The following TENM3 variants were observed in gnomAD, a reference collection of about 807,000 sequenced individuals.
TENM3 encodes teneurin-3.
Under a neutral mutation model 255.1 loss-of-function variants are expected in TENM3, and 63 were observed. The observed-to-expected ratio is 0.25, with a 90% CI of 0.20 to 0.30. The LOEUF (loss-of-function observed/expected upper bound fraction) is 0.30. Among genes scored for constraint, TENM3 ranks in the 10% least tolerant of loss-of-function variants. The probability of loss-of-function intolerance (pLI) is 1.00; values close to 1 mark genes in which losing one functional copy is unlikely to be tolerated. For missense variants in TENM3, 2,929 were observed against 3,461.1 expected (o/e 0.85, Z 3.86); for synonymous variants, 1,306 against 1,322.3 (o/e 0.99, Z 0.27).
At chr4:181,764,375 G>A in the TENM3 span, among the ~76,000 whole-genome samples, 2 of 152,114 alleles carry the variant, frequency 1.3e-5, no homozygotes. Flanking sequence ...CTGACTTTAT[G>A]ACACAGAACA....
chr4:181,525,010 C>T, the TENM3 span, among the ~76,000 whole-genome samples: 14,234 of 152,182 alleles, frequency 0.094, 738 homozygotes, highest in East Asian at 0.2. Flanking sequence ...CTTGATTATA[C>T]GACATTTATG....
At chr4:181,504,247 C>T in the TENM3 span, among the ~76,000 whole-genome samples, 2 of 152,198 alleles carry the variant, frequency 1.3e-5, no homozygotes, top group African/African-American at 4.8e-5. Context: ...ACTGACCTGC[C>T]GCTGCTCCCG....
chr4:182,344,469 T>C (rs185754582), intron 2 of TENM3, among the ~76,000 whole-genome samples: 7 of 152,234 alleles, frequency 4.6e-5, no homozygotes, highest in Non-Finnish European at 1.0e-4. Context: ...GTTGTGTTTT[T>C]AGTTGCAAAG....
chr4:181,874,372 T>C, the TENM3 span: 1 of 152,250 alleles, frequency 6.6e-6, no homozygotes, highest in Non-Finnish European at 1.5e-5. Flanking sequence ...TTCCCTTTTT[T>C]CTTCTGTCGA....
At chr4:182,293,762 G>A (rs59577089) in intron 1 of TENM3, among the ~76,000 whole-genome samples, 9,977 of 151,944 alleles carry the variant, frequency 0.066, 842 homozygotes, top group African/African-American at 0.19. Flanking sequence ...CCCACCCCGA[G>A]TCCCTTCCAA....
intron 5 of TENM3, among the ~76,000 whole-genome samples, chr4:182,642,680 C>T (rs1295098744): frequency 6.6e-6 from 1 of 152,108 alleles, no homozygotes; most frequent in African/African-American, 2.4e-5. Flanking sequence ...CCCTCCAAAC[C>T]TGTTCGTTCA....
At chr4:181,564,897 G>A in the TENM3 span, among the ~76,000 whole-genome samples, 1 of 152,038 alleles carries the variant, frequency 6.6e-6, no homozygotes, top group Non-Finnish European at 1.5e-5. Flanking sequence ...ATCTCAGTGG[G>A]CAGCTTTGTG....
chr4:182,510,190 A>G (rs1394719678), intron 3 of TENM3, among the ~76,000 whole-genome samples: 1 of 152,204 alleles, frequency 6.6e-6, no homozygotes, highest in Non-Finnish European at 1.5e-5. Context: ...TTTGTTTTCT[A>G]ATAAAATGGC....
At chr4:182,730,802 ATTAAC>A in intron 15 of TENM3, 71 bp from the exon 16 acceptor site, 5 of 1,479,902 alleles carry the variant, frequency 3.4e-6, no homozygotes, top group African/African-American at 2.8e-5. Context: ...TATAAAGCAT[ATTAAC>A]TTAAGGAGGT....
At chr4:182,777,547 C>CTG (rs1764782031) in intron 24 of TENM3, among the ~76,000 whole-genome samples, 744 of 45,480 alleles carry the variant, frequency 0.016, 55 homozygotes, top group African/African-American at 0.06. Flanking sequence ...GTGTGTATTT[C>CTG]TTTTTTTTTT....
chr4:181,586,555 CA>C, the TENM3 span, among the ~76,000 whole-genome samples: 1 of 152,002 alleles, frequency 6.6e-6, no homozygotes, highest in Non-Finnish European at 1.5e-5. Flanking sequence ...AAAACAAAAC[CA>C]AAGGGCCAGG....
chr4:181,605,571 A>AAAGAAAGAAAGAAAGG, the TENM3 span, among the ~76,000 whole-genome samples: 1 of 29,126 alleles, frequency 3.4e-5, no homozygotes, highest in East Asian at 1.1e-3. Context: ...AGAAAGAAAG[A>AAAGAAAGAAAGAAAGG]GAGAGAAAGA....
the TENM3 span, among the ~76,000 whole-genome samples, chr4:181,608,316 C>A: frequency 3.7e-3 from 568 of 152,270 alleles, 4 homozygotes; most frequent in Admixed American, 7.0e-3. Flanking sequence ...GAGGAATTTG[C>A]ATTGTTTTGA....
chr4:181,496,752 G>C, the TENM3 span, among the ~76,000 whole-genome samples: 1 of 152,058 alleles, frequency 6.6e-6, no homozygotes, highest in African/African-American at 2.4e-5. Context: ...AATAATAATG[G>C]GACCTCTAAG....
the TENM3 span, among the ~76,000 whole-genome samples, chr4:181,637,391 G>T: frequency 1.3e-5 from 2 of 152,218 alleles, no homozygotes; most frequent in Admixed American, 1.3e-4. Context: ...CAGCACATGG[G>T]TGGGGAATGA....
At chr4:182,358,578 G>C (rs1182538741) in intron 3 of TENM3, among the ~76,000 whole-genome samples, 1 of 152,018 alleles carries the variant, frequency 6.6e-6, no homozygotes, top group African/African-American at 2.4e-5. Flanking sequence ...TGTATCCTGA[G>C]ACTTTGCTGA....
At chr4:182,503,507 T>TC (rs1560839263) in intron 3 of TENM3, among the ~76,000 whole-genome samples, 2 of 152,238 alleles carry the variant, frequency 1.3e-5, no homozygotes, top group Non-Finnish European at 2.9e-5. Context: ...CTCATTTTTT[T>TC]CTGCCCCAAG....
At chr4:181,452,419 C>T in the TENM3 span, among the ~76,000 whole-genome samples, 5 of 152,062 alleles carry the variant, frequency 3.3e-5, no homozygotes, top group African/African-American at 1.2e-4. Flanking sequence ...TAATGGAATC[C>T]TGGGGGAAGT....
chr4:182,418,693 C>A (rs1770564574), intron 3 of TENM3, among the ~76,000 whole-genome samples: 1 of 152,196 alleles, frequency 6.6e-6, no homozygotes, highest in Admixed American at 6.5e-5. Context: ...TCCCACGCAG[C>A]TGGGGCTATA....
Sources: allele counts gnomAD v4.1 joint callset (sites outside exome capture counted in the v4.1 genomes callset), GRCh38; gene constraint gnomAD v4.1.1; transcripts MANE v1.5; gene names NCBI Gene and HGNC (gene_info 2026-07-23, HGNC 2026-07-21).